The following DNAH14 variants were observed in gnomAD, a reference collection of about 807,000 sequenced individuals.
DNAH14 encodes the protein dynein axonemal heavy chain 14.
Under a neutral mutation model 520.9 loss-of-function variants are expected in DNAH14, and 478 were observed. The observed-to-expected ratio is 0.92, with a 90% confidence interval of 0.85 to 0.99. The LOEUF (loss-of-function observed/expected upper bound fraction) is 0.99, where lower values mean the gene tolerates loss of function less well. DNAH14 is among the 50% of genes least tolerant of loss of function. DNAH14 has a pLI of 0.00. For synonymous variants in DNAH14, 1,581 were observed against 1,757.2 expected (o/e 0.90, Z 2.51); for missense variants, 4,831 against 5,234.5 (o/e 0.92, Z 2.38).
chr1:225,023,830 A>G lies in DNAH14; in HGVS notation c.1323A>G (p.Pro441=). ...TATTTAATGGTTCTGCTGGAATGCC[A>G]TTTTCAGTGGAAAAAAAGAATGAAA... ...LELFNGSAGM[P]FSVEKKNENL... is the part of the protein sequence containing the mutation. Residue 441 remains proline (P), a synonymous_variant, in exon 11 of 86, where the codon CCA becomes CCG. Coordinates refer to ENST00000682510, the MANE Select transcript of DNAH14 (RefSeq NM_001367479.1). 4 of 1,535,438 alleles carry G rather than the reference A, an allele frequency of 2.6e-6. No individual in the cohort carries two copies. Among genetic ancestry groups the G allele is most frequent in the African/African-American group, 2.7e-5 (2 of 72,872 alleles).
intron 30 of DNAH14, among the ~76,000 whole-genome samples, chr1:225,146,019 C>T (rs1440665563): frequency 1.3e-5 from 2 of 152,136 alleles, no homozygotes; most frequent in African/African-American, 4.8e-5. Context: ...TTTGTGCTCA[C>T]TTAGTACGTT....
chr1:225,214,050 T>C (rs1214139559), intron 41 of DNAH14, among the ~76,000 whole-genome samples: 2 of 152,210 alleles, frequency 1.3e-5, no homozygotes, highest in Non-Finnish European at 2.9e-5. Context: ...GGGTTTGTCA[T>C]AAATAACTCT....
intron 78 of DNAH14, among the ~76,000 whole-genome samples, chr1:225,376,449 G>T (rs953596164): frequency 6.6e-6 from 1 of 152,040 alleles, no homozygotes; most frequent in Non-Finnish European, 1.5e-5. Flanking sequence ...AAAGTTTAGG[G>T]TATTTTAAAT....
intron 43 of DNAH14, among the ~76,000 whole-genome samples, chr1:225,249,168 G>A (rs921412503): frequency 3.3e-5 from 5 of 152,154 alleles, no homozygotes; most frequent in African/African-American, 1.2e-4. Flanking sequence ...AGATATCAAT[G>A]ACATCCTCAG....
intron 42 of DNAH14, among the ~76,000 whole-genome samples, chr1:225,237,617 G>A (rs1384968051): frequency 1.3e-5 from 2 of 152,106 alleles, no homozygotes; most frequent in Admixed American, 6.6e-5. Context: ...GCATCTTACT[G>A]GGTTTCTCTG....
intron 41 of DNAH14, among the ~76,000 whole-genome samples, chr1:225,227,615 T>C (rs2090666039): frequency 6.6e-6 from 1 of 152,164 alleles, no homozygotes; most frequent in Admixed American, 6.6e-5. Flanking sequence ...ACCATACTGA[T>C]GTCCACATCC....
chr1:224,940,231 G>A (rs1013450912), intron 1 of DNAH14, among the ~76,000 whole-genome samples: 2 of 152,190 alleles, frequency 1.3e-5, no homozygotes, highest in African/African-American at 4.8e-5. Flanking sequence ...AGCTTTAAAA[G>A]GGAAAGTGAA....
intron 17 of DNAH14, among the ~76,000 whole-genome samples, chr1:225,074,241 C>T (rs976586303): frequency 2.0e-5 from 3 of 152,112 alleles, no homozygotes; most frequent in East Asian, 3.9e-4. Flanking sequence ...CCTCGTGATC[C>T]GCCTGCCTCG....
intron 23 of DNAH14, among the ~76,000 whole-genome samples, chr1:225,108,906 G>A (rs574172838): frequency 3.4e-4 from 52 of 152,292 alleles, no homozygotes; most frequent in African/African-American, 1.2e-3. Context: ...GCGAAAGATA[G>A]GAGTCTAGTT....
intron 27 of DNAH14, among the ~76,000 whole-genome samples, chr1:225,139,682 C>T (rs899376378): frequency 2.6e-5 from 4 of 152,212 alleles, no homozygotes; most frequent in Admixed American, 6.5e-5. Context: ...CAATCTCTCT[C>T]GCCAGAACCA....
chr1:225,172,104 G>C (rs1211198026), intron 36 of DNAH14, among the ~76,000 whole-genome samples: 3 of 152,036 alleles, frequency 2.0e-5, no homozygotes, highest in African/African-American at 4.8e-5. Flanking sequence ...GTATTGATGG[G>C]ACATATCTCA....
intron 27 of DNAH14, among the ~76,000 whole-genome samples, chr1:225,136,370 A>G (rs1191932496): frequency 6.6e-6 from 1 of 152,100 alleles, no homozygotes; most frequent in Non-Finnish European, 1.5e-5. Flanking sequence ...TTCCCTGAGC[A>G]TTTGCTTTTC....
At chr1:225,329,355 T>C (rs2094745969) in intron 64 of DNAH14, among the ~76,000 whole-genome samples, 1 of 152,002 alleles carries the variant, frequency 6.6e-6, no homozygotes, top group African/African-American at 2.4e-5. Flanking sequence ...ATAAACCAAT[T>C]TGGATAAAGA....
At chr1:224,952,214 T>C (rs997504904) in intron 1 of DNAH14, among the ~76,000 whole-genome samples, 5 of 152,236 alleles carry the variant, frequency 3.3e-5, no homozygotes, top group African/African-American at 1.2e-4. Context: ...TTTTGTTCTA[T>C]TCTATTCTGT....
intron 35 of DNAH14, among the ~76,000 whole-genome samples, chr1:225,162,810 C>A (rs1448751693): frequency 1.3e-5 from 2 of 151,846 alleles, no homozygotes; most frequent in African/African-American, 4.8e-5. Flanking sequence ...ACTTTTATTT[C>A]TTTTTCAGGT....
At chr1:225,250,680 AG>A (rs1160442817) in intron 43 of DNAH14, 6 of 565,866 alleles carry the variant, frequency 1.1e-5, no homozygotes, top group Non-Finnish European at 1.6e-5. Context: ...GGTCAGTCAC[AG>A]GGCAGACGGA....
At chr1:225,223,384 A>G (rs1193114805) in intron 41 of DNAH14, among the ~76,000 whole-genome samples, 1 of 152,138 alleles carries the variant, frequency 6.6e-6, no homozygotes, top group Non-Finnish European at 1.5e-5. Flanking sequence ...TCTACCCCTG[A>G]TGTAGCTCTC....
chr1:225,322,813 T>A lies in DNAH14; in HGVS notation c.9485T>A (p.Ile3162Lys). 6.5e-7 allele frequency: 1 copy of A among 1,549,656 alleles called. No individual in the cohort carries two copies. Among genetic ancestry groups the A allele is most frequent in the Non-Finnish European group, 8.7e-7 (1 of 1,145,136 alleles). ...TTGATTAACCTTGACAAGGACAGCA[T>A]ACCTGATAAGGTAAAAAGTTGATCT... Reference protein sequence around the residue: ...KKLINLDKDSIPDKVFVKLKK... With the variant: ...KKLINLDKDSKPDKVFVKLKK... The change falls in exon 62 of 86, where the codon ATA (isoleucine) becomes AAA (lysine). Residue 3162 changes from isoleucine (I) to lysine (K), a missense_variant. Coordinates refer to ENST00000682510, the MANE Select transcript of DNAH14 (RefSeq NM_001367479.1).
rs2095100797 is a variant in DNAH14 at position 225,338,188 on chromosome 1, G to A, written c.10433+6G>A. Reference sequence around the variant, plus strand: ...GAATACAATTCAAATTTTAGGTAATGTGCCACAGCTAAATTGAGTCAAATG... The same window carrying A: ...GAATACAATTCAAATTTTAGGTAATATGCCACAGCTAAATTGAGTCAAATG... On this transcript the variant is annotated splice_donor_region_variant and intron_variant, in intron 68 of 85. Transcript: ENST00000682510. 3 of 1,551,696 alleles carry A rather than the reference G, an allele frequency of 1.9e-6. No homozygotes were observed. Among genetic ancestry groups the A allele is most frequent in the Non-Finnish European group, 2.6e-6 (3 of 1,146,978 alleles).
Sources: gnomAD v4.1 joint callset for allele counts (sites outside exome capture counted in the v4.1 genomes callset) on GRCh38, gnomAD v4.1.1 for gene constraint, MANE v1.5 for transcripts, NCBI Gene and HGNC (gene_info 2026-07-23, HGNC 2026-07-21) for gene names.